DNMT1: variants seen among roughly 807,000 people sequenced by gnomAD.
DNMT1 encodes the protein DNA methyltransferase 1, also known as DNA (cytosine-5)-methyltransferase 1.
Under a neutral mutation model 205.3 loss-of-function variants are expected in DNMT1, and 24 were observed. That is an observed-to-expected ratio of 0.12 (90% CI 0.08 to 0.16). DNMT1 has a LOEUF of 0.16. DNMT1 is among the 10% of genes least tolerant of loss of function. The pLI is 1.00. For synonymous variants in DNMT1, 817 were observed against 839.8 expected, an observed-to-expected ratio of 0.97 and a Z score of 0.47; for missense variants, 1,293 against 2,177.7, an observed-to-expected ratio of 0.59 and a Z score of 8.09.
chr19:10,189,094 G>T (rs1473198626), intron 1 of DNMT1, among the ~76,000 whole-genome samples: 1 of 151,508 alleles, frequency 6.6e-6, no homozygotes, highest in East Asian at 1.9e-4. Context: ...CCTGCAAAAA[G>T]ATTATGAATC....
chr19:10,142,615 T>C (rs1289091378), intron 29 of DNMT1, among the ~76,000 whole-genome samples: 1 of 142,454 alleles, frequency 7.0e-6, no homozygotes, highest in Non-Finnish European at 1.5e-5. Context: ...CGCCAGGTAA[T>C]GACCCCCGAC....
rs61251772 is a variant in DNMT1, at chr19:10,177,729, G to A, written c.494-362C>T. 6.5e-3 allele frequency among the ~76,000 whole-genome samples: 984 copies of A among 152,098 alleles called. 10 individuals carry two copies. The highest frequency in any genetic ancestry group is 0.023 in the African/African-American group (940 of 41,496). On this transcript the variant is annotated intron_variant, in intron 5 of 40. Transcript: ENST00000359526. ...GAAAATAATCCAAGCTCAGGTATTC[G>A]AGAACAGCCTGGACAACATGGCAAA...
At chr19:10,152,160 C>CAAAAAAAAAAAAAAAAAAAAAAA (rs56725732) in intron 22 of DNMT1, among the ~76,000 whole-genome samples, 1 of 14,336 alleles carries the variant, frequency 7.0e-5, no homozygotes, top group Non-Finnish European at 9.9e-5. Context: ...AACTCCATCT[C>CAAAAAAAAAAAAAAAAAAAAAAA]AAAAAAAAAA....
chr19:10,190,013 AG>A (rs1271251723), intron 1 of DNMT1, among the ~76,000 whole-genome samples: 2 of 152,160 alleles, frequency 1.3e-5, no homozygotes, highest in African/African-American at 4.8e-5. Flanking sequence ...ACGGCTGGCA[AG>A]TAGGGCGGCA....
At chr19:10,179,593 T>C (rs1248349449) in intron 5 of DNMT1, among the ~76,000 whole-genome samples, 1 of 152,124 alleles carries the variant, frequency 6.6e-6, no homozygotes, top group Non-Finnish European at 1.5e-5. Context: ...CAGTAATTAC[T>C]AGTGAGGATG....
chr19:10,142,650 A>AC (rs1176492541), intron 29 of DNMT1, among the ~76,000 whole-genome samples: 15 of 135,038 alleles, frequency 1.1e-4, no homozygotes, highest in East Asian at 2.2e-4. Flanking sequence ...CAGGGTAAAG[A>AC]CCCCCCAGTT....
intron 30 of DNMT1, chr19:10,141,745 G>A: frequency 2.2e-6 from 1 of 456,034 alleles, no homozygotes. Flanking sequence ...TCAACGTTCA[G>A]TTGCACCAAG....
chr19:10,154,185 T>G lies in DNMT1; in HGVS notation c.2019+108A>C. The G allele has an allele frequency of 8.3e-7, 1 of 1,208,162 alleles. No individual in the cohort carries two copies. Among genetic ancestry groups the G allele is most frequent in the Non-Finnish European group, 1.2e-6 (1 of 819,160 alleles). The allele number at this position is 1,208,162 out of a possible 1,614,324, so 74.8% of individuals were successfully genotyped here. ...CTAATTTCTGTCTCAGGGGTCACAT[T>G]TGAGCAGCCAGAGTCTCAAGCCACA... On this transcript the variant is annotated intron_variant, in intron 22 of 40. Transcript: ENST00000359526. The surrounding 1 kb of genome is among the most constrained non-coding windows in gnomAD (Gnocchi z 6.3).
At position 10,159,811 on chromosome 19, in the gene DNMT1, A is replaced by C. The variant is rs2038528846; in HGVS notation, c.1170+31T>G. 1 of 1,614,218 alleles carries C rather than the reference A, an allele frequency of 6.2e-7. No homozygotes were observed. Among genetic ancestry groups the C allele is most frequent in the Non-Finnish European group, 8.5e-7 (1 of 1,180,026 alleles). On this transcript the variant is annotated intron_variant, in intron 16 of 40. Coordinates refer to ENST00000359526, the MANE Select transcript of DNMT1 (RefSeq NM_001130823.3). The surrounding 1 kb of genome is among the most constrained non-coding windows in gnomAD (Gnocchi z 5.0). ...GTGAGCAGTGGGACAAGGGACAGGC[A>C]GAGGAAGGCTGGGAAGAGAGCTGTA...
chr19:10,152,058 G>T (rs1315818811), intron 22 of DNMT1, among the ~76,000 whole-genome samples: 1 of 147,804 alleles, frequency 6.8e-6, no homozygotes, highest in Non-Finnish European at 1.5e-5. Context: ...TACTTGGGAG[G>T]CTGAGGCAGG....
At position 10,151,373 on chromosome 19, in the gene DNMT1, C is replaced by G. The variant is rs779300886; in HGVS notation, c.2265+25G>C. 6.2e-6 allele frequency: 10 copies of G among 1,610,230 alleles called. No individual in the cohort carries two copies. Among genetic ancestry groups the G allele is most frequent in the Admixed American group, 3.3e-5 (2 of 60,008 alleles). On this transcript the variant is annotated intron_variant, in intron 24 of 40. Coordinates refer to ENST00000359526, the MANE Select transcript of DNMT1 (RefSeq NM_001130823.3). The surrounding 1 kb of genome is among the most constrained non-coding windows in gnomAD (Gnocchi z 5.0). ...TGCTTATTGGGAACATGGCAGTGAG[C>G]TGACCAAGGGGCTCCAAGGGTTACC...
intron 37 of DNMT1, among the ~76,000 whole-genome samples, chr19:10,136,750 AT>A (rs1252563664): frequency 7.4e-6 from 1 of 136,044 alleles, no homozygotes; most frequent in East Asian, 2.3e-4. Flanking sequence ...TTTATTATTT[AT>A]TTATTGTTTT....
At chr19:10,165,705 T>C (rs2038676550) in intron 11 of DNMT1, among the ~76,000 whole-genome samples, 1 of 152,160 alleles carries the variant, frequency 6.6e-6, no homozygotes, top group African/African-American at 2.4e-5. Context: ...CACATCCCTT[T>C]CTACCATGAG....
At chr19:10,190,727 T>C (rs2039283260) in intron 1 of DNMT1, among the ~76,000 whole-genome samples, 2 of 150,598 alleles carry the variant, frequency 1.3e-5, no homozygotes, top group South Asian at 2.1e-4. Flanking sequence ...TTCGCACCAC[T>C]GCACTCCAGC....
Position 10,180,230 on chromosome 19 carries a change from T to C in DNMT1, c.450A>G (p.Ser150=). 1 of 1,255,884 alleles carries C rather than the reference T, an allele frequency of 8.0e-7. No homozygotes were observed. Among genetic ancestry groups the C allele is most frequent in the South Asian group, 1.3e-5 (1 of 78,954 alleles). 77.8% of individuals were successfully genotyped at this position (1,255,884 alleles called of 1,614,324 possible). The stretch of plus-strand genomic sequence containing the variant: ...GGGAGGCTGAGGCAGGAGGGTCTCT[T>C]GAACCTGGGAGGCAGAGGTTACAGT... ...RSKSDGEAKR[S]RDPPASASQV... is the part of the protein sequence containing the mutation. The change falls in exon 5 of 41, where the codon TCA becomes TCG. Residue 150 remains serine (S), a synonymous_variant. Coordinates refer to ENST00000359526, the MANE Select transcript of DNMT1 (RefSeq NM_001130823.3).
intron 1 of DNMT1, among the ~76,000 whole-genome samples, chr19:10,186,126 A>G (rs1255405308): frequency 6.6e-6 from 1 of 152,190 alleles, no homozygotes; most frequent in Non-Finnish European, 1.5e-5. Flanking sequence ...TGGGGTGTGA[A>G]GGACAAGGTT....
At chr19:10,162,238 A>C (rs2038584242) in intron 13 of DNMT1, among the ~76,000 whole-genome samples, 1 of 151,134 alleles carries the variant, frequency 6.6e-6, no homozygotes. Flanking sequence ...TCCTGGGTTC[A>C]AGCAATTCTC....
At position 10,159,637 on chromosome 19, in the gene DNMT1, T is replaced by A; in HGVS notation, c.1280+21A>T. On this transcript the variant is annotated intron_variant, in intron 17 of 40. Transcript: ENST00000359526. This position sits in a 1 kb window ranked among gnomAD's most constrained non-coding sequence, Gnocchi z 5.0. ...TGTGCCTCCTTCCACGAAGCAAACA[T>A]GCACACGAAAGTGCACTTACCTGAA... The A allele has an allele frequency of 6.2e-7, 1 of 1,613,238 alleles. No individual in the cohort carries two copies. The highest frequency in any genetic ancestry group is 2.2e-5 in the East Asian group (1 of 44,882).
intron 25 of DNMT1, 55 bp from the exon 26 acceptor site, chr19:10,149,712 T>C: frequency 6.2e-7 from 1 of 1,612,006 alleles, no homozygotes; most frequent in Non-Finnish European, 8.5e-7. Flanking sequence ...AGCAGATATG[T>C]GACCAAGTCT....
Sources: gnomAD v4.1 joint callset for allele counts (sites outside exome capture counted in the v4.1 genomes callset) on GRCh38, gnomAD v4.1.1 for gene constraint, Gnocchi (gnomAD v3.1) non-coding constraint, MANE v1.5 for transcripts, NCBI Gene and HGNC (gene_info 2026-07-23, HGNC 2026-07-21) for gene names.